Variants in EYS observed in about 807,000 individuals in gnomAD.
The protein encoded by EYS is EGF-like photoreceptor maintenance factor.
Under a neutral mutation model 282.1 loss-of-function variants are expected in EYS, and 250 were observed. The observed-to-expected ratio is 0.89, with a 90% confidence interval of 0.80 to 0.98. EYS has a LOEUF of 0.98. EYS is among the 50% of genes least tolerant of loss of function. EYS has a pLI of 0.00. For missense variants in EYS, 4,016 were observed against 3,709.0 expected (o/e 1.08, Z -2.15); for synonymous variants, 1,355 against 1,282.9 (o/e 1.06, Z -1.20).
chr6:65,580,997 T>C (rs889062525), intron 2 of EYS, among the ~76,000 whole-genome samples: 3 of 152,138 alleles, frequency 2.0e-5, no homozygotes, highest in African/African-American at 2.4e-5. Context: ...ATCTATTCAA[T>C]TGCAATGAGT....
chr6:63,751,779 G>GA (rs1769345117), intron 41 of EYS, among the ~76,000 whole-genome samples: 2 of 152,090 alleles, frequency 1.3e-5, no homozygotes, highest in African/African-American at 4.8e-5. Flanking sequence ...ATCAATTATA[G>GA]AAAAAATAAA....
Position 64,177,879 on chromosome 6 carries a change from G to A in EYS, c.6424+52713C>T, listed in dbSNP as rs1036491664. On this transcript the variant is annotated intron_variant, in intron 31 of 42. Transcript: ENST00000503581. ...CAGAAGGTTTTCCCCTTTTGGGGGC[G>A]ACATTAAACTCTCACATCTTTAGGG... 3.3e-5 allele frequency among the ~76,000 whole-genome samples: 5 copies of A among 152,088 alleles called. No individual in the cohort carries two copies. The East Asian group carries it at 7.7e-4, about 23-fold the overall frequency.
chr6:64,259,092 A>C (rs1767496327), intron 30 of EYS, among the ~76,000 whole-genome samples: 1 of 152,016 alleles, frequency 6.6e-6, no homozygotes, highest in South Asian at 2.1e-4. Context: ...ACCACCTACT[A>C]TGGATTCCTC....
chr6:64,945,721 G>A (rs1280839887), intron 15 of EYS, 72 bp downstream of exon 15: 3 of 1,347,772 alleles, frequency 2.2e-6, no homozygotes, highest in South Asian at 1.4e-5. Flanking sequence ...TGAAAATAAT[G>A]TCTGGATGTA....
chr6:64,348,064 C>T (rs1461347120), intron 29 of EYS, among the ~76,000 whole-genome samples: 3 of 151,314 alleles, frequency 2.0e-5, no homozygotes, highest in Non-Finnish European at 3.0e-5. Flanking sequence ...CTTCCCACAT[C>T]TATAACCACT....
At chr6:65,214,184 A>G (rs1766252097) in intron 12 of EYS, among the ~76,000 whole-genome samples, 1 of 150,218 alleles carries the variant, frequency 6.7e-6, no homozygotes, top group African/African-American at 2.4e-5. Flanking sequence ...AAAAAAAAAA[A>G]AAAAGCAAGC....
chr6:64,306,619 A>G (rs1769454892), intron 30 of EYS, among the ~76,000 whole-genome samples: 1 of 152,166 alleles, frequency 6.6e-6, no homozygotes, highest in East Asian at 1.9e-4. Context: ...TTGGAAAAAG[A>G]ATGTATTTTA....
At chr6:64,246,807 C>T (rs1190267106) in intron 30 of EYS, among the ~76,000 whole-genome samples, 1 of 152,076 alleles carries the variant, frequency 6.6e-6, no homozygotes, top group East Asian at 1.9e-4. Flanking sequence ...CCCCTATGGG[C>T]AGTGAACTCT....
chr6:64,072,751 A>G (rs1358931406), intron 32 of EYS, among the ~76,000 whole-genome samples: 1 of 151,926 alleles, frequency 6.6e-6, no homozygotes, highest in African/African-American at 2.4e-5. Flanking sequence ...GTTTCTACTC[A>G]GAAGCTTTCT....
chr6:65,477,210 C>T (rs1038722484), intron 5 of EYS, among the ~76,000 whole-genome samples: 1 of 152,034 alleles, frequency 6.6e-6, no homozygotes, highest in Non-Finnish European at 1.5e-5. Flanking sequence ...AAACTGAAGC[C>T]ATATGTTCAG....
At chr6:64,234,929 A>G (rs1299866457) in intron 30 of EYS, among the ~76,000 whole-genome samples, 1 of 150,976 alleles carries the variant, frequency 6.6e-6, no homozygotes, top group Non-Finnish European at 1.5e-5. Flanking sequence ...CCCAGGCTGG[A>G]GTGTAATGGC....
chr6:65,197,605 T>G (rs1765801469), intron 12 of EYS, among the ~76,000 whole-genome samples: 2 of 152,106 alleles, frequency 1.3e-5, no homozygotes, highest in South Asian at 4.1e-4. Flanking sequence ...TTCTGAGAAG[T>G]GCATCCTTTA....
chr6:65,456,193 C>T (rs1764606859), intron 5 of EYS, among the ~76,000 whole-genome samples: 1 of 152,044 alleles, frequency 6.6e-6, no homozygotes, highest in African/African-American at 2.4e-5. Flanking sequence ...TAGCTCACAC[C>T]CGTAACCCTA....
intron 26 of EYS, among the ~76,000 whole-genome samples, chr6:64,578,150 T>C (rs1389516773): frequency 6.6e-6 from 1 of 152,070 alleles, no homozygotes; most frequent in Admixed American, 6.6e-5. Context: ...TTCTCCATAG[T>C]ATAGCCAGAG....
chr6:65,322,899 T>A (rs1412763476), intron 11 of EYS, among the ~76,000 whole-genome samples: 1 of 151,438 alleles, frequency 6.6e-6, no homozygotes, highest in Non-Finnish European at 1.5e-5. Context: ...GCTCTTGATT[T>A]AGGGAAAAAA....
At chr6:64,092,384 C>G (rs1772399203) in intron 31 of EYS, among the ~76,000 whole-genome samples, 1 of 152,158 alleles carries the variant, frequency 6.6e-6, no homozygotes, top group Non-Finnish European at 1.5e-5. Context: ...TAAAAGTGTT[C>G]CTATTTCTCC....
At chr6:65,350,465 CTATT>C (rs762111563) in intron 9 of EYS, among the ~76,000 whole-genome samples, 2 of 151,214 alleles carry the variant, frequency 1.3e-5, no homozygotes, top group Non-Finnish European at 3.0e-5. Flanking sequence ...GCAACAATCA[CTATT>C]TATTTAAAAA....
intron 11 of EYS, among the ~76,000 whole-genome samples, chr6:65,296,526 C>CTATA (rs748593861): frequency 6.6e-6 from 1 of 150,942 alleles, no homozygotes; most frequent in Non-Finnish European, 1.5e-5. Flanking sequence ...TTTGTCACAA[C>CTATA]TATATATATA....
intron 41 of EYS, among the ~76,000 whole-genome samples, chr6:63,736,539 C>T (rs1768917864): frequency 6.6e-6 from 1 of 152,126 alleles, no homozygotes; most frequent in African/African-American, 2.4e-5. Flanking sequence ...CAGCTTTGTT[C>T]TTCTGGCTTA....
Sources: gnomAD v4.1 joint callset for allele counts (sites outside exome capture counted in the v4.1 genomes callset) on GRCh38, gnomAD v4.1.1 for gene constraint, MANE v1.5 for transcripts, NCBI Gene and HGNC (gene_info 2026-07-23, HGNC 2026-07-21) for gene names.